Variants in SH3RF3 observed in about 807,000 individuals in gnomAD.
The protein encoded by SH3RF3 is SH3 domain containing ring finger 3.
Under a neutral mutation model 66.3 loss-of-function variants are expected in SH3RF3, and 29 were observed. That is an observed-to-expected ratio of 0.44 (90% CI 0.33 to 0.60). The LOEUF is 0.60. Among genes scored for constraint, SH3RF3 ranks in the 20% least tolerant of loss-of-function variants. SH3RF3 has a pLI of 0.04. For synonymous variants in SH3RF3, 583 were observed against 532.0 expected (o/e 1.10, Z -1.32); for missense variants, 1,194 against 1,190.9 (o/e 1.00, Z -0.04).
intron 1 of SH3RF3, among the ~76,000 whole-genome samples, chr2:109,237,655 G>A (rs1314102699): frequency 6.6e-6 from 1 of 152,074 alleles, no homozygotes; most frequent in Non-Finnish European, 1.5e-5. Flanking sequence ...TATATTTTAT[G>A]TGAGGCCCAA....
At chr2:109,408,596 G>T (rs546133750) in intron 4 of SH3RF3, among the ~76,000 whole-genome samples, 1 of 152,234 alleles carries the variant, frequency 6.6e-6, no homozygotes, top group South Asian at 2.1e-4. Context: ...CGTGAGCTTC[G>T]CTGCGGCAAG....
chr2:109,383,475 C>G (rs1377112437), intron 3 of SH3RF3, among the ~76,000 whole-genome samples: 1 of 152,202 alleles, frequency 6.6e-6, no homozygotes, highest in East Asian at 1.9e-4. Flanking sequence ...AATCATTCTT[C>G]TCTTGTCTTC....
At chr2:109,272,659 C>G (rs1301763004) in intron 1 of SH3RF3, among the ~76,000 whole-genome samples, 1 of 152,232 alleles carries the variant, frequency 6.6e-6, no homozygotes, top group Non-Finnish European at 1.5e-5. Context: ...CGGTCCTCCT[C>G]CACACCAGCG....
intron 1 of SH3RF3, among the ~76,000 whole-genome samples, chr2:109,283,340 G>T (rs185232102): frequency 2.6e-5 from 4 of 152,252 alleles, no homozygotes; most frequent in Admixed American, 2.6e-4. Flanking sequence ...CTCCTTCCTT[G>T]CCACCCCATT....
intron 3 of SH3RF3, among the ~76,000 whole-genome samples, chr2:109,378,168 C>T (rs1167809862): frequency 6.6e-6 from 1 of 152,248 alleles, no homozygotes; most frequent in Non-Finnish European, 1.5e-5. Context: ...CTCTCCTCCG[C>T]AGCACCTCCA....
At chr2:109,202,005 A>T (rs1436966023) in intron 1 of SH3RF3, among the ~76,000 whole-genome samples, 1 of 152,248 alleles carries the variant, frequency 6.6e-6, no homozygotes, top group Admixed American at 6.5e-5. Flanking sequence ...AACGGGACAC[A>T]GGCACAGAAC....
intron 4 of SH3RF3, among the ~76,000 whole-genome samples, chr2:109,418,526 G>A (rs564972424): frequency 6.6e-6 from 1 of 152,208 alleles, no homozygotes; most frequent in African/African-American, 2.4e-5. Context: ...TCCTGTCACT[G>A]CTCCGTCCTC....
chr2:109,131,939 T>G (rs1676706450), intron 1 of SH3RF3, among the ~76,000 whole-genome samples: 1 of 152,218 alleles, frequency 6.6e-6, no homozygotes, highest in African/African-American at 2.4e-5. Flanking sequence ...ACTACCATGC[T>G]GGGATAATAG....
At chr2:109,228,276 G>T (rs1486841704) in intron 1 of SH3RF3, among the ~76,000 whole-genome samples, 1 of 152,142 alleles carries the variant, frequency 6.6e-6, no homozygotes, top group Non-Finnish European at 1.5e-5. Flanking sequence ...TCCCCCAAAG[G>T]CTTTTATTGT....
At chr2:109,376,879 A>G (rs1683400285) in intron 3 of SH3RF3, among the ~76,000 whole-genome samples, 1 of 152,200 alleles carries the variant, frequency 6.6e-6, no homozygotes, top group South Asian at 2.1e-4. Flanking sequence ...TTGTTCCCCT[A>G]AGTTTCCATG....
chr2:109,426,700 C>A (rs1239884941), intron 5 of SH3RF3, among the ~76,000 whole-genome samples: 1 of 152,132 alleles, frequency 6.6e-6, no homozygotes, highest in African/African-American at 2.4e-5. Context: ...AGGATTGCCT[C>A]CAATTTTGAA....
At chr2:109,400,399 CAT>C (rs1479365723) in intron 4 of SH3RF3, among the ~76,000 whole-genome samples, 4 of 152,144 alleles carry the variant, frequency 2.6e-5, no homozygotes, top group African/African-American at 9.7e-5. Flanking sequence ...CATGCACGCA[CAT>C]ATACACATAT....
intron 4 of SH3RF3, among the ~76,000 whole-genome samples, chr2:109,418,270 C>T (rs770251925): frequency 6.6e-6 from 1 of 152,180 alleles, no homozygotes; most frequent in African/African-American, 2.4e-5. Flanking sequence ...TGGACCCCTT[C>T]CTCCTCCAGG....
At chr2:109,204,261 C>T (rs1212991714) in intron 1 of SH3RF3, among the ~76,000 whole-genome samples, 1 of 152,194 alleles carries the variant, frequency 6.6e-6, no homozygotes, top group African/African-American at 2.4e-5. Context: ...TGCTTATGCC[C>T]TGTTGCTTCA....
At chr2:109,474,226 TG>T (rs1008910014) in intron 8 of SH3RF3, among the ~76,000 whole-genome samples, 3 of 151,838 alleles carry the variant, frequency 2.0e-5, no homozygotes, top group African/African-American at 4.8e-5. Flanking sequence ...TCTAGGGAGG[TG>T]GGTGTGGGCA....
At chr2:109,155,322 A>G (rs541196380) in intron 1 of SH3RF3, among the ~76,000 whole-genome samples, 2 of 152,180 alleles carry the variant, frequency 1.3e-5, no homozygotes, top group Admixed American at 6.5e-5. Context: ...TGTTTTAGAG[A>G]TGGAGTCTCG....
chr2:109,212,106 G>A lies in SH3RF3; in HGVS notation c.573+81993G>A, dbSNP rs150574291. 5.7e-3 allele frequency among the ~76,000 whole-genome samples: 862 copies of A among 152,358 alleles called. 5 individuals carry two copies. The highest frequency in any genetic ancestry group is 0.02 in the African/African-American group (813 of 41,574). The stretch of plus-strand genomic sequence containing the variant: ...GTAAGCTGGTGAATGGGTGGTTGGT[G>A]CGGCTTGCCGGGCAATGGTCCGAAT... On this transcript the variant is annotated intron_variant, in intron 1 of 9. Transcript: ENST00000309415.
intron 1 of SH3RF3, among the ~76,000 whole-genome samples, chr2:109,196,579 C>T (rs1013309469): frequency 6.6e-6 from 1 of 152,190 alleles, no homozygotes; most frequent in Non-Finnish European, 1.5e-5. Flanking sequence ...GGCCCTACAT[C>T]ATGTGGCTGG....
intron 1 of SH3RF3, among the ~76,000 whole-genome samples, chr2:109,249,535 C>CT: frequency 1.0e-5 from 1 of 95,744 alleles, no homozygotes; most frequent in Non-Finnish European, 2.2e-5. Context: ...TTCTTTCTTT[C>CT]CTTCCTTCCT....
Sources: gnomAD v4.1 joint callset for allele counts (sites outside exome capture counted in the v4.1 genomes callset) on GRCh38, gnomAD v4.1.1 for gene constraint, MANE v1.5 for transcripts, NCBI Gene and HGNC (gene_info 2026-07-23, HGNC 2026-07-21) for gene names.